Variants in AGTPBP1 observed in about 807,000 individuals in gnomAD.
AGTPBP1 encodes ATP/GTP binding carboxypeptidase 1.
A neutral mutation model predicts 143.9 loss-of-function variants in AGTPBP1; 70 were observed. The observed-to-expected ratio is 0.49, with a 90% CI of 0.40 to 0.59. The LOEUF (loss-of-function observed/expected upper bound fraction) is 0.59, where lower values mean the gene tolerates loss of function less well. AGTPBP1 is among the 20% of genes least tolerant of loss of function. The pLI, the probability that AGTPBP1 is intolerant of heterozygous loss-of-function variation, is 0.00. For missense variants in AGTPBP1, 1,229 were observed against 1,464.5 expected (o/e 0.84, Z 2.62); for synonymous variants, 463 against 500.2 (o/e 0.93, Z 0.99).
At chr9:85,614,973 A>T (rs1162044105) in intron 17 of AGTPBP1, among the ~76,000 whole-genome samples, 3 of 152,160 alleles carry the variant, frequency 2.0e-5, no homozygotes, top group Non-Finnish European at 1.5e-5. Context: ...CGGCTTCTGA[A>T]CGGTATTTCG....
In AGTPBP1 at chr9:85,677,553, T is replaced by C. The variant is rs1205371683; in HGVS notation, c.319A>G (p.Thr107Ala). Residue 107 changes from threonine to alanine, a missense_variant, in exon 6 of 26, where the codon ACC becomes GCC. Coordinates refer to ENST00000357081, the MANE Select transcript of AGTPBP1 (RefSeq NM_001330701.2). ...GGGRRVSFLV[T>A]KGGSQILLQL... ...AACAATATTTGTGAACCACCTTTGG[T>C]GACTAAGAAACTCACTCTTCGACCT... is the stretch of plus-strand genomic sequence containing the variant. 1 of 1,577,906 alleles carries C rather than the reference T, an allele frequency of 6.3e-7. No homozygotes were observed. The highest frequency in any genetic ancestry group is 2.3e-5 in the East Asian group (1 of 43,002).
At chr9:85,667,461 T>C (rs919314336) in intron 8 of AGTPBP1, among the ~76,000 whole-genome samples, 4 of 152,134 alleles carry the variant, frequency 2.6e-5, no homozygotes, top group African/African-American at 4.8e-5. Context: ...GTTATTATTT[T>C]CCAACCACTA....
intron 25 of AGTPBP1, among the ~76,000 whole-genome samples, chr9:85,562,299 A>G (rs1826792628): frequency 6.6e-6 from 1 of 152,114 alleles, no homozygotes; most frequent in Non-Finnish European, 1.5e-5. Flanking sequence ...TTAAACCTAA[A>G]TATGTTAATA....
intron 1 of AGTPBP1, among the ~76,000 whole-genome samples, chr9:85,714,069 G>A (rs1837550518): frequency 6.6e-6 from 1 of 152,132 alleles, no homozygotes; most frequent in Non-Finnish European, 1.5e-5. Flanking sequence ...AAAGAATAAT[G>A]GTGAGCACTA....
chr9:85,757,629 T>C, the AGTPBP1 span, among the ~76,000 whole-genome samples: 185 of 151,976 alleles, frequency 1.2e-3, 1 homozygote, highest in Non-Finnish European at 1.9e-3. Flanking sequence ...TCACCACACA[T>C]CTTACCAGCT....
At chr9:85,771,379 G>A in the AGTPBP1 span, among the ~76,000 whole-genome samples, 1 of 152,118 alleles carries the variant, frequency 6.6e-6, no homozygotes, top group African/African-American at 2.4e-5. Flanking sequence ...GGGAGGCTGA[G>A]GCAGGAGGAT....
At chr9:85,641,513 G>A (rs191672958) in intron 13 of AGTPBP1, among the ~76,000 whole-genome samples, 145 of 151,028 alleles carry the variant, frequency 9.6e-4, no homozygotes, top group African/African-American at 3.3e-3. Context: ...CTATTACCCC[G>A]ATTTCAAAGT....
chr9:85,773,428 G>C, the AGTPBP1 span, among the ~76,000 whole-genome samples: 1 of 137,084 alleles, frequency 7.3e-6, no homozygotes, highest in African/African-American at 2.7e-5. Flanking sequence ...CCGCCTCCCA[G>C]GTTCAAGCCA....
chr9:85,633,941 C>T (rs1328741482), intron 13 of AGTPBP1, among the ~76,000 whole-genome samples: 1 of 151,344 alleles, frequency 6.6e-6, no homozygotes, highest in Non-Finnish European at 1.5e-5. Flanking sequence ...CCTGTAATCC[C>T]AGCACTTTGG....
chr9:85,786,390 C>G, the AGTPBP1 span: 81 of 1,613,926 alleles, frequency 5.0e-5, no homozygotes, highest in Non-Finnish European at 6.4e-5. Context: ...CGACTGTCAT[C>G]CCAAATTCAG....
chr9:85,737,623 A>C (rs1389036300), intron 1 of AGTPBP1, among the ~76,000 whole-genome samples: 3 of 152,208 alleles, frequency 2.0e-5, no homozygotes, highest in African/African-American at 7.2e-5. Context: ...CAACATTTGG[A>C]AGATCTGCAT....
At chr9:85,600,336 T>C (rs1829582608) in intron 17 of AGTPBP1, among the ~76,000 whole-genome samples, 1 of 152,162 alleles carries the variant, frequency 6.6e-6, no homozygotes, top group South Asian at 2.1e-4. Flanking sequence ...AAACTCATTA[T>C]AATAGTTTCA....
Position 85,578,978 on chromosome 9 carries a change from A to G in AGTPBP1, c.3284T>C (p.Val1095Ala). The change falls in exon 24 of 26, where the codon GTA becomes GCA. Residue 1095 changes from valine to alanine, a missense_variant. Around this residue, in one of 2 missense-constraint regions of AGTPBP1, gnomAD observed 486 missense variants for 652.3 expected, o/e 0.75. Transcript: ENST00000357081. ...ARVVVWREIG[V>A]QRSYTMESTL... is the part of the protein sequence containing the mutation. ...ACTCTCCATGGTATAACTTCTTTGT[A>G]CTCCTATTTCCCTCCAAACTACAAC... 2 of 1,613,282 alleles carry G rather than the reference A, an allele frequency of 1.2e-6. No individual in the cohort carries two copies. The highest frequency in any genetic ancestry group is 1.1e-5 in the South Asian group (1 of 90,992).
the AGTPBP1 span, among the ~76,000 whole-genome samples, chr9:85,748,115 C>G: frequency 2.6e-5 from 4 of 152,182 alleles, no homozygotes; most frequent in Admixed American, 6.5e-5. Flanking sequence ...ATCCTCTCCA[C>G]CTGGCTTCTG....
chr9:85,774,458 G>A, the AGTPBP1 span, among the ~76,000 whole-genome samples: 2 of 152,030 alleles, frequency 1.3e-5, no homozygotes, highest in East Asian at 3.9e-4. Flanking sequence ...TTATATTTCT[G>A]GTTATAATTG....
intron 17 of AGTPBP1, among the ~76,000 whole-genome samples, chr9:85,600,647 A>AG (rs1478741515): frequency 2.6e-5 from 4 of 152,092 alleles, no homozygotes; most frequent in Admixed American, 1.3e-4. Context: ...AATCCTAGCC[A>AG]GGGGGGAGCC....
intron 17 of AGTPBP1, among the ~76,000 whole-genome samples, chr9:85,606,660 T>A (rs1273639544): frequency 6.6e-6 from 1 of 151,976 alleles, no homozygotes; most frequent in East Asian, 1.9e-4. Flanking sequence ...AACCTCAGCA[T>A]CCATCAATGG....
In AGTPBP1 at chr9:85,592,562, G is replaced by A. The variant is rs1564041582; in HGVS notation, c.2566C>T (p.Gln856Ter). The A allele has an allele frequency of 6.3e-7, 1 of 1,587,492 alleles. No homozygotes were observed. The part of the protein sequence containing the change: ...YHYPYTYSTL[Q>*]MHLQKLESAH... ...ACAATTTAATTTAGAGTTCTTACCT[G>A]TAAAGTTGAATACGTATATGGATAG... Residue 856 changes from glutamine to a stop codon, truncating the protein, a stop_gained and splice_region_variant, in exon 19 of 26, where the codon CAG (glutamine) becomes TAG (stop). Transcript: ENST00000357081. LOFTEE classifies it high-confidence loss of function.
At chr9:85,591,484 A>G (rs1341833366) in intron 19 of AGTPBP1, among the ~76,000 whole-genome samples, 1 of 152,168 alleles carries the variant, frequency 6.6e-6, no homozygotes, top group Non-Finnish European at 1.5e-5. Flanking sequence ...GGATTGAAAG[A>G]AAGCAGGAGA....
Sources: gnomAD v4.1 joint callset for allele counts (sites outside exome capture counted in the v4.1 genomes callset) on GRCh38, gnomAD v4.1.1 for gene constraint, gnomAD v4.1.1 regional missense constraint, MANE v1.5 for transcripts, NCBI Gene and HGNC (gene_info 2026-07-23, HGNC 2026-07-21) for gene names.